The following GRID2 variants were observed in gnomAD, a reference collection of about 807,000 sequenced individuals.
GRID2 encodes the protein glutamate ionotropic receptor delta type subunit 2.
A neutral mutation model predicts 114.8 loss-of-function variants in GRID2; 33 were observed. That is an observed-to-expected ratio of 0.29 (90% CI 0.22 to 0.38). GRID2 has a LOEUF of 0.38. Among genes scored for constraint, GRID2 ranks in the 10% least tolerant of loss-of-function variants. The pLI is 1.00. For synonymous variants in GRID2, 505 were observed against 449.9 expected (o/e 1.12, Z -1.55); for missense variants, 1,184 against 1,257.7 (o/e 0.94, Z 0.89).
chr4:93,430,154 G>A (rs1223528609), intron 10 of GRID2, among the ~76,000 whole-genome samples: 1 of 151,966 alleles, frequency 6.6e-6, no homozygotes, highest in African/African-American at 2.4e-5. Flanking sequence ...TATTTACCGG[G>A]AGGCTTTATA....
At chr4:92,592,110 C>T (rs1728731145) in intron 2 of GRID2, among the ~76,000 whole-genome samples, 1 of 151,858 alleles carries the variant, frequency 6.6e-6, no homozygotes, top group Non-Finnish European at 1.5e-5. Context: ...GATACCAAAT[C>T]ATTTTAAAGA....
chr4:93,738,209 C>CTCCTGG (rs1470597973), intron 14 of GRID2, among the ~76,000 whole-genome samples: 1 of 152,110 alleles, frequency 6.6e-6, no homozygotes, highest in Admixed American at 6.6e-5. Context: ...ATTAGAGAGA[C>CTCCTGG]TCCTGGACTG....
intron 4 of GRID2, among the ~76,000 whole-genome samples, chr4:93,120,822 G>A (rs946368109): frequency 6.6e-6 from 1 of 151,920 alleles, no homozygotes; most frequent in African/African-American, 2.4e-5. Flanking sequence ...GCATGGTGGC[G>A]GGCACCTGTA....
intron 14 of GRID2, among the ~76,000 whole-genome samples, chr4:93,674,261 G>T (rs1262301223): frequency 3.3e-5 from 5 of 152,248 alleles, no homozygotes; most frequent in African/African-American, 1.2e-4. Context: ...CGTGAGATAA[G>T]ATCATCATTC....
rs536339958 is a variant in GRID2 at position 93,644,926 on chromosome 4, T to A, written c.2360+18491T>A. On this transcript the variant is annotated intron_variant, in intron 14 of 15. Coordinates refer to ENST00000282020, the MANE Select transcript of GRID2 (RefSeq NM_001510.4). ...GAAAGGAATTGACTAGACGAGAGAGTACCACATAGGAGGCCATGCTGTATC... is the reference window on the plus strand; with the variant it reads ...GAAAGGAATTGACTAGACGAGAGAGAACCACATAGGAGGCCATGCTGTATC... Among the ~76,000 whole-genome samples, 9 of 151,950 alleles carry A rather than the reference T, an allele frequency of 5.9e-5. No homozygotes were observed. The East Asian group carries it at 1.7e-3, about 30-fold the overall frequency.
At chr4:92,582,369 T>C (rs567569880) in intron 1 of GRID2, among the ~76,000 whole-genome samples, 6 of 151,920 alleles carry the variant, frequency 3.9e-5, no homozygotes, top group Admixed American at 1.3e-4. Flanking sequence ...CACTTAACAC[T>C]ATTCCAAGGT....
intron 2 of GRID2, among the ~76,000 whole-genome samples, chr4:92,961,736 C>G (rs552506612): frequency 6.6e-6 from 1 of 150,708 alleles, no homozygotes; most frequent in Non-Finnish European, 1.5e-5. Context: ...AATTCTTGGT[C>G]GTGGGTGATT....
chr4:93,769,292 T>C lies in GRID2; in HGVS notation c.2443T>C (p.Ser815Pro), dbSNP rs541449265. Residue 815 changes from serine (S) to proline (P), a missense_variant, in exon 15 of 16, where the codon TCG becomes CCG. Around this residue, in one of 3 missense-constraint regions of GRID2, gnomAD observed 717 missense variants for 796.9 expected, o/e 0.90. Coordinates refer to ENST00000282020, the MANE Select transcript of GRID2 (RefSeq NM_001510.4). ...WPKNGQCDLYSSVDTKQKGGA... is the reference protein window; with the variant it reads ...WPKNGQCDLYPSVDTKQKGGA... ...TAAGAATGGCCAGTGTGACCTGTAC[T>C]CGTCAGTGGACACAAAGCAGAAAGG... The C allele has an allele frequency of 6.2e-7, 1 of 1,614,090 alleles. No individual in the cohort carries two copies. The highest frequency in any genetic ancestry group is 1.3e-5 in the African/African-American group (1 of 75,048).
At chr4:93,497,326 T>C (rs571608724) in intron 12 of GRID2, among the ~76,000 whole-genome samples, 1 of 151,906 alleles carries the variant, frequency 6.6e-6, no homozygotes, top group African/African-American at 2.4e-5. Context: ...ATTTTCATCC[T>C]CTTTATAGGG....
intron 1 of GRID2, among the ~76,000 whole-genome samples, chr4:92,346,926 ATC>A (rs1175367645): frequency 9.2e-5 from 14 of 152,192 alleles, no homozygotes; most frequent in African/African-American, 3.1e-4. Flanking sequence ...CTCATTATGC[ATC>A]TGTCTCTCTA....
intron 12 of GRID2, among the ~76,000 whole-genome samples, chr4:93,514,979 G>A (rs185155288): frequency 7.9e-5 from 12 of 152,156 alleles, no homozygotes; most frequent in Admixed American, 1.3e-4. Context: ...ACCACTAGAC[G>A]TTTTCACTTT....
chr4:92,485,336 ATATATATATATAGTGT>A (rs1340664338), intron 1 of GRID2, among the ~76,000 whole-genome samples: 1,394 of 98,526 alleles, frequency 0.014, 22 homozygotes, highest in Non-Finnish European at 0.022. Flanking sequence ...ATATATATAT[ATATATATATATAGTGT>A]GTGTGTGTGT....
At chr4:93,732,155 G>T (rs1475274880) in intron 14 of GRID2, among the ~76,000 whole-genome samples, 1 of 152,160 alleles carries the variant, frequency 6.6e-6, no homozygotes, top group African/African-American at 2.4e-5. Flanking sequence ...AAGCTAACAT[G>T]CATATCATAG....
At chr4:93,106,042 T>C (rs1378829243) in intron 3 of GRID2, among the ~76,000 whole-genome samples, 1 of 152,144 alleles carries the variant, frequency 6.6e-6, no homozygotes, top group East Asian at 1.9e-4. Flanking sequence ...CCCCCAGTCT[T>C]ATGTTTAATA....
At chr4:92,611,822 C>T (rs1007613705) in intron 2 of GRID2, among the ~76,000 whole-genome samples, 2 of 151,380 alleles carry the variant, frequency 1.3e-5, no homozygotes, top group African/African-American at 4.8e-5. Flanking sequence ...TCCAATCATG[C>T]ATACATATTT....
At chr4:93,073,007 A>C (rs1320068364) in intron 2 of GRID2, among the ~76,000 whole-genome samples, 1 of 152,212 alleles carries the variant, frequency 6.6e-6, no homozygotes, top group Admixed American at 6.5e-5. Flanking sequence ...AACTGTGGTG[A>C]GGTCAAATGT....
intron 1 of GRID2, among the ~76,000 whole-genome samples, chr4:92,390,486 T>C (rs771537628): frequency 2.0e-5 from 3 of 152,282 alleles, no homozygotes; most frequent in Middle Eastern, 3.4e-3. Context: ...GTTCTGGCCC[T>C]GACTGCGGAG....
At chr4:92,753,242 T>G (rs1181793072) in intron 2 of GRID2, among the ~76,000 whole-genome samples, 1 of 152,174 alleles carries the variant, frequency 6.6e-6, no homozygotes, top group East Asian at 1.9e-4. Flanking sequence ...TTTTATTAGA[T>G]TATGTTATCA....
intron 2 of GRID2, among the ~76,000 whole-genome samples, chr4:93,007,543 C>G (rs773883104): frequency 6.6e-6 from 1 of 151,636 alleles, no homozygotes; most frequent in Non-Finnish European, 1.5e-5. Context: ...TAGTTTTAAA[C>G]TTAAAATTAT....
Sources: gnomAD v4.1 joint callset for allele counts (sites outside exome capture counted in the v4.1 genomes callset) on GRCh38, gnomAD v4.1.1 for gene constraint, gnomAD v4.1.1 regional missense constraint, MANE v1.5 for transcripts, NCBI Gene and HGNC (gene_info 2026-07-23, HGNC 2026-07-21) for gene names.